TSC22D3: variants seen among roughly 807,000 people sequenced by gnomAD.
TSC22D3 encodes the protein TSC22 domain family member 3, also known as TSC22 domain family protein 3.
Under a neutral mutation model 11.1 loss-of-function variants are expected in TSC22D3, and 4 were observed. The ratio of observed to expected loss-of-function variants is 0.36; its 90% CI spans 0.18 to 0.83. The LOEUF (loss-of-function observed/expected upper bound fraction) is 0.83. Ranked by LOEUF, TSC22D3 falls within the 40% of genes least tolerant of loss-of-function variation. The pLI, the probability that TSC22D3 is intolerant of heterozygous loss-of-function variation, is 0.48. For synonymous variants in TSC22D3, 77 were observed against 70.3 expected, an observed-to-expected ratio of 1.10 and a Z score of -0.48; for missense variants, 118 against 159.4, an observed-to-expected ratio of 0.74 and a Z score of 1.40.
chrX:107,773,098 T>C (rs1447892025), intron 1 of TSC22D3, among the ~76,000 whole-genome samples: 1 of 112,108 alleles, frequency 8.9e-6, no homozygotes, highest in Non-Finnish European at 1.9e-5. Flanking sequence ...GCCACCCCAC[T>C]ACATCTCCAC....
chrX:107,738,869 G>A (rs1453444301), intron 1 of TSC22D3, among the ~76,000 whole-genome samples: 2 of 110,575 alleles, frequency 1.8e-5, no homozygotes, highest in African/African-American at 6.6e-5. Flanking sequence ...TACAAGTGCT[G>A]AGTGGCATTG....
intron 1 of TSC22D3, among the ~76,000 whole-genome samples, chrX:107,770,003 T>G (rs1929835296): frequency 8.9e-6 from 1 of 112,482 alleles, no homozygotes; most frequent in Admixed American, 9.4e-5. Context: ...ATAGTTATTT[T>G]AAATTACTTT....
chrX:107,744,113 T>C (rs1173564909), intron 1 of TSC22D3, among the ~76,000 whole-genome samples: 1 of 112,011 alleles, frequency 8.9e-6, no homozygotes, highest in Non-Finnish European at 1.9e-5. Context: ...CAGGCCAAAA[T>C]TAAATCAATC....
intron 1 of TSC22D3, among the ~76,000 whole-genome samples, chrX:107,757,339 G>A: frequency 8.9e-6 from 1 of 111,779 alleles, no homozygotes; most frequent in Admixed American, 9.4e-5. Context: ...TGGATACAGA[G>A]TCCTTAAAGG....
intron 1 of TSC22D3, among the ~76,000 whole-genome samples, chrX:107,734,836 C>G (rs1438997886): frequency 1.1e-5 from 1 of 92,578 alleles, no homozygotes; most frequent in African/African-American, 4.5e-5. Flanking sequence ...CTGTGCCAAG[C>G]ACTTTTCACG....
intron 1 of TSC22D3, among the ~76,000 whole-genome samples, chrX:107,772,502 G>A (rs1259549876): frequency 9.0e-6 from 1 of 111,186 alleles, no homozygotes; most frequent in East Asian, 2.8e-4. Context: ...ATGTCATACT[G>A]GGCAAAACCT....
intron 1 of TSC22D3, chrX:107,716,789 G>T: frequency 8.3e-7 from 1 of 1,210,105 alleles, no homozygotes. Flanking sequence ...CTCCATGGGG[G>T]TCTGATACAT....
At chrX:107,737,575 C>CT (rs1928203241) in intron 1 of TSC22D3, among the ~76,000 whole-genome samples, 1 of 111,199 alleles carries the variant, frequency 9.0e-6, no homozygotes, top group Admixed American at 9.5e-5. Flanking sequence ...CTCCATGCTG[C>CT]TTTTTTTCTT....
chrX:107,742,273 G>A (rs1490470408), intron 1 of TSC22D3, among the ~76,000 whole-genome samples: 1 of 69,086 alleles, frequency 1.4e-5, no homozygotes, highest in Non-Finnish European at 2.6e-5. Context: ...GAGAGAGAGA[G>A]AGAGAGAAAG....
In TSC22D3 at chrX:107,726,941, G is replaced by C. The variant is rs1249626734; in HGVS notation, c.321-10991C>G. Among the ~76,000 whole-genome samples, 4 of 112,144 alleles carry C rather than the reference G, an allele frequency of 3.6e-5. No homozygotes were observed. In the Admixed American group the frequency reaches 3.8e-4, roughly 11 times the overall value. On this transcript the variant is annotated intron_variant, in intron 1 of 2. Transcript: ENST00000372383. ...TTGCTAAAACTAATAATACCATGGA[G>C]TTTGTTGACAGAGTTGCAGAAGAGC...
intron 1 of TSC22D3, among the ~76,000 whole-genome samples, chrX:107,717,724 A>C (rs371005063): frequency 8.9e-6 from 1 of 111,968 alleles, no homozygotes; most frequent in African/African-American, 3.3e-5. Context: ...ATATGTATGG[A>C]GGAGAGGGTG....
chrX:107,725,353 A>G (rs1927569382), intron 1 of TSC22D3, among the ~76,000 whole-genome samples: 1 of 112,258 alleles, frequency 8.9e-6, no homozygotes, highest in South Asian at 3.7e-4. Flanking sequence ...TGGAAAATGC[A>G]GGCGTCCTGG....
At chrX:107,736,473 A>C (rs1360223751) in intron 1 of TSC22D3, among the ~76,000 whole-genome samples, 1 of 111,302 alleles carries the variant, frequency 9.0e-6, no homozygotes, top group East Asian at 2.8e-4. Context: ...TCTTCTCCTC[A>C]TTCCTAACGT....
chrX:107,736,073 C>T (rs1041139917), intron 1 of TSC22D3, among the ~76,000 whole-genome samples: 1 of 112,145 alleles, frequency 8.9e-6, no homozygotes, highest in African/African-American at 3.2e-5. Flanking sequence ...TACTCTGCTC[C>T]CTTGCCCTTT....
chrX:107,743,552 T>C (rs992796579), intron 1 of TSC22D3, among the ~76,000 whole-genome samples: 3 of 112,320 alleles, frequency 2.7e-5, no homozygotes, highest in African/African-American at 9.7e-5. Flanking sequence ...GCAGTAGTCC[T>C]GGCTCCAGAG....
At chrX:107,747,220 T>C (rs181766593) in intron 1 of TSC22D3, among the ~76,000 whole-genome samples, 1 of 112,864 alleles carries the variant, frequency 8.9e-6, no homozygotes, top group African/African-American at 3.2e-5. Context: ...GCCCACTCCA[T>C]TGTGTGTCCT....
At chrX:107,751,325 C>T (rs1490568206) in intron 1 of TSC22D3, among the ~76,000 whole-genome samples, 2 of 111,570 alleles carry the variant, frequency 1.8e-5, no homozygotes, top group Non-Finnish European at 3.8e-5. Context: ...GGGGTTACTT[C>T]CCCTGCGTAA....
chrX:107,731,398 A>G (rs1238786686), intron 1 of TSC22D3, among the ~76,000 whole-genome samples: 2 of 111,949 alleles, frequency 1.8e-5, no homozygotes, highest in Non-Finnish European at 3.8e-5. Context: ...AACCTGGAAA[A>G]GTTCCAGAAC....
rs762865094 is a variant in TSC22D3 at position 107,729,805 on chromosome X, G to A, written c.321-13855C>T. Among the ~76,000 whole-genome samples the A allele has an allele frequency of 8.9e-5, 10 of 112,892 alleles. 1 individual carries two copies. The East Asian group carries it at 1.4e-3, about 16-fold the overall frequency. On this transcript the variant is annotated intron_variant, in intron 1 of 2. Transcript: ENST00000372383. ...TTTTCATCTTGTTTTGACTGGGACC[G>A]TCCTCCCCTGTGTAAACACATCCAT...
Sources: allele counts gnomAD v4.1 joint callset (sites outside exome capture counted in the v4.1 genomes callset), GRCh38; gene constraint gnomAD v4.1.1; transcripts MANE v1.5; gene names NCBI Gene and HGNC (gene_info 2026-07-23, HGNC 2026-07-21).